Variants in TTC39C observed in about 807,000 individuals in gnomAD.
TTC39C encodes the protein tetratricopeptide repeat domain 39C.
In TTC39C, 33 loss-of-function variants were observed where a neutral mutation model predicts 76.3. The observed-to-expected ratio is 0.43, with a 90% confidence interval of 0.33 to 0.58. The LOEUF is 0.58. TTC39C is among the 20% of genes least tolerant of loss of function. The probability of loss-of-function intolerance (pLI) is 0.04; values close to 1 mark genes in which losing one functional copy is unlikely to be tolerated. For synonymous variants in TTC39C, 254 were observed against 260.6 expected (o/e 0.97, Z 0.24); for missense variants, 595 against 701.4 (o/e 0.85, Z 1.71).
chr18:24,054,528 A>G (rs540530513), intron 1 of TTC39C, among the ~76,000 whole-genome samples: 65 of 152,282 alleles, frequency 4.3e-4, no homozygotes, highest in Non-Finnish European at 5.9e-5. Flanking sequence ...CACACTTGGC[A>G]CTGAAGAAGA....
chr18:24,038,654 G>A (rs1247447530), intron 1 of TTC39C, among the ~76,000 whole-genome samples: 2 of 152,154 alleles, frequency 1.3e-5, no homozygotes, highest in Non-Finnish European at 2.9e-5. Context: ...GGTCCACTTA[G>A]GCTGCCATAA....
rs948971367 is a variant in TTC39C, at chr18:24,132,716, A to G, written c.*142A>G. ...GACACATTTTCCCAGTTAAGCTGAC[A>G]TATTAAAGATCTCCTCTTTTAAACA... On this transcript the variant is annotated 3_prime_UTR_variant, in exon 14 of 14. Coordinates refer to ENST00000317571, the MANE Select transcript of TTC39C (RefSeq NM_001135993.2). 7.0e-6 allele frequency: 4 copies of G among 572,178 alleles called. No individual in the cohort carries two copies. In the African/African-American group the frequency reaches 7.7e-5, roughly 11 times the overall value. 35.4% of individuals were successfully genotyped at this position (572,178 alleles called of 1,614,324 possible). A position where few individuals can be genotyped will look rare whatever the true frequency, so the allele number is the denominator to read the frequency against.
intron 1 of TTC39C, among the ~76,000 whole-genome samples, chr18:24,032,183 T>A (rs978803496): frequency 6.6e-6 from 1 of 152,232 alleles, no homozygotes; most frequent in African/African-American, 2.4e-5. Context: ...CCAGTGACAC[T>A]GATGTCACAC....
At chr18:24,115,680 T>C (rs561184151) in intron 7 of TTC39C, among the ~76,000 whole-genome samples, 3 of 152,238 alleles carry the variant, frequency 2.0e-5, no homozygotes, top group Admixed American at 6.5e-5. Context: ...CTTTGCCTGC[T>C]GTGGACACAA....
chr18:24,055,852 C>A (rs1199073044), intron 1 of TTC39C, among the ~76,000 whole-genome samples: 1 of 152,086 alleles, frequency 6.6e-6, no homozygotes, highest in Non-Finnish European at 1.5e-5. Context: ...TATTAAAACC[C>A]AGTTTTTCTC....
At chr18:24,116,528 CAG>C (rs1237029105) in intron 7 of TTC39C, among the ~76,000 whole-genome samples, 3 of 152,154 alleles carry the variant, frequency 2.0e-5, no homozygotes, top group Non-Finnish European at 4.4e-5. Context: ...GCCTGGGTGA[CAG>C]AGTGAGAGTG....
intron 6 of TTC39C, among the ~76,000 whole-genome samples, chr18:24,103,714 C>G (rs2084708004): frequency 1.3e-5 from 2 of 151,852 alleles, no homozygotes; most frequent in South Asian, 4.2e-4. Flanking sequence ...CCACCCACCC[C>G]TCCTCCTGCC....
Position 24,001,237 on chromosome 18 carries a change from A to G in TTC39C, c.-17+8199A>G, listed in dbSNP as rs555947928. The stretch of plus-strand genomic sequence containing the variant: ...TCTATCTGTGTTCCTGTTAGACTTA[A>G]TATCTGGAAAAGCAGGGTTCTTACC... On this transcript the variant is annotated intron_variant, in intron 1 of 13. Coordinates refer to the TTC39C transcript ENST00000304621. 3.9e-5 allele frequency among the ~76,000 whole-genome samples: 6 copies of G among 152,296 alleles called. No homozygotes were observed. In the East Asian group the frequency reaches 1.2e-3, roughly 29 times the overall value.
chr18:24,056,911 A>G (rs1442033164), intron 1 of TTC39C, among the ~76,000 whole-genome samples: 1 of 151,992 alleles, frequency 6.6e-6, no homozygotes, highest in African/African-American at 2.4e-5. Flanking sequence ...TGGAACTCCT[A>G]GTCTCAAGCA....
At chr18:24,073,853 T>G (rs2145746738) in intron 4 of TTC39C, among the ~76,000 whole-genome samples, 1 of 152,354 alleles carries the variant, frequency 6.6e-6, no homozygotes, top group Non-Finnish European at 1.5e-5. Context: ...ACTTATACCC[T>G]GTACATCACC....
chr18:24,108,429 CTT>C (rs1442056649), intron 6 of TTC39C, among the ~76,000 whole-genome samples: 14 of 152,188 alleles, frequency 9.2e-5, no homozygotes, highest in Admixed American at 6.5e-5. Flanking sequence ...CATTTCTACT[CTT>C]TTCGCAACTC....
chr18:24,057,631 C>T (rs1325094604), intron 1 of TTC39C, among the ~76,000 whole-genome samples: 1 of 152,128 alleles, frequency 6.6e-6, no homozygotes, highest in African/African-American at 2.4e-5. Context: ...CATGTTATTG[C>T]GTTGAGTGAA....
At chr18:24,065,001 G>T (rs1216211686) in intron 2 of TTC39C, among the ~76,000 whole-genome samples, 1 of 152,200 alleles carries the variant, frequency 6.6e-6, no homozygotes, top group Non-Finnish European at 1.5e-5. Flanking sequence ...TAAGGAAAAT[G>T]GTACTGGGTG....
intron 1 of TTC39C, among the ~76,000 whole-genome samples, chr18:24,051,185 G>A (rs1400092144): frequency 6.6e-6 from 1 of 152,124 alleles, no homozygotes; most frequent in Non-Finnish European, 1.5e-5. Context: ...CCGTGGGGAG[G>A]AAACCCAGAG....
intron 1 of TTC39C, among the ~76,000 whole-genome samples, chr18:24,063,052 G>A (rs995803542): frequency 6.6e-6 from 1 of 152,080 alleles, no homozygotes; most frequent in African/African-American, 2.4e-5. Context: ...TTTTTATAGT[G>A]ACCATATAGT....
At chr18:24,020,588 C>T (rs1342607295) in intron 1 of TTC39C, among the ~76,000 whole-genome samples, 2 of 152,182 alleles carry the variant, frequency 1.3e-5, no homozygotes, top group African/African-American at 2.4e-5. Flanking sequence ...GCAGTATTTG[C>T]GTATCACCTA....
At chr18:24,044,076 G>A (rs1174915613) in intron 1 of TTC39C, among the ~76,000 whole-genome samples, 1 of 151,944 alleles carries the variant, frequency 6.6e-6, no homozygotes, top group African/African-American at 2.4e-5. Context: ...GTGTGTGTGT[G>A]TGTGTGTGTG....
intron 1 of TTC39C, among the ~76,000 whole-genome samples, chr18:23,995,634 C>T (rs1568397945): frequency 6.6e-6 from 1 of 151,988 alleles, no homozygotes. Flanking sequence ...ACAAATAAAG[C>T]TGCCATGAAC....
intron 1 of TTC39C, among the ~76,000 whole-genome samples, 199 bp from the exon 2 acceptor site, chr18:24,063,941 T>C (rs565345592): frequency 3.9e-5 from 6 of 152,372 alleles, no homozygotes; most frequent in Non-Finnish European, 7.3e-5. Flanking sequence ...AGGCAAATTC[T>C]ATCCTGGCAG....
Sources: gnomAD v4.1 joint callset for allele counts (sites outside exome capture counted in the v4.1 genomes callset) on GRCh38, gnomAD v4.1.1 for gene constraint, MANE v1.5 for transcripts, NCBI Gene and HGNC (gene_info 2026-07-23, HGNC 2026-07-21) for gene names.